STOX1: variants seen among roughly 807,000 people sequenced by gnomAD.
STOX1 encodes the protein storkhead-box protein 1.
STOX1 carries 57 observed loss-of-function variants against 74.8 expected under a neutral mutation model. That is an observed-to-expected ratio of 0.76 (90% CI 0.62 to 0.95). The LOEUF (loss-of-function observed/expected upper bound fraction) is 0.95. Ranked by LOEUF, STOX1 falls within the 40% of genes least tolerant of loss-of-function variation. The probability of loss-of-function intolerance (pLI) is 0.00; values close to 1 mark genes in which losing one functional copy is unlikely to be tolerated. For synonymous variants in STOX1, 375 were observed against 401.3 expected (o/e 0.93, Z 0.78); for missense variants, 1,010 against 1,117.0 (o/e 0.90, Z 1.37).
Position 68,827,582 on chromosome 10 carries a change from G to A in STOX1, c.-42G>A, listed in dbSNP as rs1170123305. On this transcript the variant is annotated 5_prime_UTR_variant, in exon 1 of 4. Transcript: ENST00000298596. ...GAGCGGCGTCGTAGCCGCCGCGCTC[G>A]CCGAGGCCCTGCGTTGCGGGCTCCC... 1 of 1,114,182 alleles carries A rather than the reference G, an allele frequency of 9.0e-7. No homozygotes were observed. Among genetic ancestry groups the A allele is most frequent in the African/African-American group, 1.7e-5 (1 of 60,192 alleles). 69.0% of individuals were successfully genotyped at this position (1,114,182 alleles called of 1,614,324 possible).
intron 1 of STOX1, among the ~76,000 whole-genome samples, chr10:68,843,616 C>T (rs1250461865): frequency 6.6e-6 from 1 of 152,038 alleles, no homozygotes; most frequent in African/African-American, 2.4e-5. Context: ...CCTCGGCTCA[C>T]TGCAACCTCT....
At chr10:68,876,119 AATATAT>A (rs56325624) in intron 1 of STOX1, among the ~76,000 whole-genome samples, 47 of 135,728 alleles carry the variant, frequency 3.5e-4, no homozygotes, top group African/African-American at 1.2e-3. Flanking sequence ...TCTTTACCAG[AATATAT>A]ATATATATAT....
chr10:68,827,679 T>A lies in STOX1; in HGVS notation c.56T>A (p.Leu19Gln). The A allele has an allele frequency of 9.0e-7, 1 of 1,111,072 alleles. No homozygotes were observed. The allele number at this position is 1,111,072 out of a possible 1,614,324, so 68.8% of individuals were successfully genotyped here. The change falls in exon 1 of 4, where the codon CTG (leucine) becomes CAG (glutamine). Residue 19 changes from leucine to glutamine, a missense_variant. Transcript: ENST00000298596. ...TCGCTGGCGCTAGTGCTGTGCCGGC[T>A]GGAGGCGCAGAAGGCGGCGGGGGCC... is the stretch of plus-strand genomic sequence containing the variant. The part of the protein sequence containing the change: ...PGSLALVLCR[L>Q]EAQKAAGAAE...
Position 68,885,310 on chromosome 10 carries a change from G to A in STOX1, c.1514G>A (p.Ser505Asn). 6.2e-7 allele frequency: 1 copy of A among 1,614,188 alleles called. No individual in the cohort carries two copies. Among genetic ancestry groups the A allele is most frequent in the Non-Finnish European group, 8.5e-7 (1 of 1,180,032 alleles). ...NPFQGLSHRG[S>N]TISKGHKIQK... ...TTCCAGGGTTTGTCTCACCGAGGAAGCACAATATCCAAAGGGCACAAAATT... is the reference window on the plus strand; with the variant it reads ...TTCCAGGGTTTGTCTCACCGAGGAAACACAATATCCAAAGGGCACAAAATT... The change falls in exon 3 of 4, where the codon AGC (serine) becomes AAC (asparagine). Residue 505 changes from serine (S) to asparagine (N), a missense_variant. Ser to Asn is a conservative substitution (Grantham distance 46). Transcript: ENST00000298596.
At chr10:68,838,035 A>G (rs905018961) in intron 1 of STOX1, among the ~76,000 whole-genome samples, 2 of 150,392 alleles carry the variant, frequency 1.3e-5, no homozygotes, top group Non-Finnish European at 3.0e-5. Context: ...GATGTTGTCA[A>G]TGGGATTGTT....
downstream of STOX1, among the ~76,000 whole-genome samples, chr10:68,894,163 G>A (rs543042100): frequency 1.3e-5 from 2 of 151,848 alleles, no homozygotes; most frequent in Non-Finnish European, 2.9e-5. Context: ...AGGTTCAAGC[G>A]ATTCTCCTGC....
downstream of STOX1, among the ~76,000 whole-genome samples, chr10:68,893,706 C>T (rs1307166457): frequency 2.6e-5 from 4 of 152,138 alleles, no homozygotes; most frequent in South Asian, 2.1e-4. Flanking sequence ...CATGAGCCAC[C>T]GCACCTGACC....
intron 3 of STOX1, among the ~76,000 whole-genome samples, chr10:68,891,920 A>G (rs1438713792): frequency 6.6e-6 from 1 of 152,022 alleles, no homozygotes; most frequent in Admixed American, 6.6e-5. Context: ...TCATAGGTTC[A>G]AGAGATTCTC....
At chr10:68,890,834 A>G (rs1457510801) in intron 3 of STOX1, among the ~76,000 whole-genome samples, 4 of 151,124 alleles carry the variant, frequency 2.6e-5, no homozygotes, top group Non-Finnish European at 4.4e-5. Context: ...TATTTTTAGT[A>G]GAGGTGAGGT....
intron 2 of STOX1, among the ~76,000 whole-genome samples, chr10:68,882,500 C>CTTT (rs202110171): frequency 7.1e-6 from 1 of 141,480 alleles, no homozygotes; most frequent in Non-Finnish European, 1.6e-5. Flanking sequence ...TAAATTGGAT[C>CTTT]TTTTTTTTTT....
chr10:68,863,549 TAA>T (rs1840320847), intron 1 of STOX1, among the ~76,000 whole-genome samples: 1 of 152,142 alleles, frequency 6.6e-6, no homozygotes, highest in Non-Finnish European at 1.5e-5. Flanking sequence ...TAACATGGGT[TAA>T]ATTGTGAAAG....
chr10:68,838,322 CT>C lies in STOX1; in HGVS notation c.310+10390del, dbSNP rs546025642. On this transcript the variant is annotated intron_variant, in intron 1 of 3. Coordinates refer to ENST00000298596, the MANE Select transcript of STOX1 (RefSeq NM_152709.5). The stretch of plus-strand genomic sequence containing the variant: ...GCTCGAGTGATTCTTCCGTCTCGGC[CT>C]CCCAAAGTGATGCGATTACAGGCGT... 1.7e-3 allele frequency among the ~76,000 whole-genome samples: 254 copies of C among 152,254 alleles called. 3 individuals are homozygous for C. The highest frequency in any genetic ancestry group is 0.016 in the Admixed American group (247 of 15,274).
At chr10:68,867,514 GT>G (rs1295016092) in intron 1 of STOX1, among the ~76,000 whole-genome samples, 1 of 152,152 alleles carries the variant, frequency 6.6e-6, no homozygotes, top group East Asian at 1.9e-4. Flanking sequence ...TTTGCCCAGT[GT>G]CCTCTGGAAA....
rs1281412191 is a variant in STOX1, at chr10:68,884,487, G to A, written c.691G>A (p.Ala231Thr). Residue 231 changes from alanine to threonine, a missense_variant, in exon 3 of 4, where the codon GCC becomes ACC. Transcript: ENST00000298596. ...LVSMESCAES[A>T]QENAAPISHC... ...GAGCATGGAGAGCTGTGCAGAGTCA[G>A]CCCAAGAGAATGCTGCCCCCATATC... 1 of 1,613,710 alleles carries A rather than the reference G, an allele frequency of 6.2e-7. No individual in the cohort carries two copies. The highest frequency in any genetic ancestry group is 1.3e-5 in the African/African-American group (1 of 74,920).
chr10:68,888,097 G>A (rs893922522), intron 3 of STOX1, among the ~76,000 whole-genome samples: 6 of 151,154 alleles, frequency 4.0e-5, no homozygotes, highest in Non-Finnish European at 8.8e-5. Context: ...ACACACACGC[G>A]CACACACACA....
intron 1 of STOX1, among the ~76,000 whole-genome samples, chr10:68,836,856 A>C (rs923651324): frequency 7.2e-5 from 11 of 152,216 alleles, no homozygotes; most frequent in Non-Finnish European, 1.6e-4. Flanking sequence ...ACAGAAGCTC[A>C]CATCAAAGTT....
rs966597527 is a variant in STOX1, at chr10:68,828,450, C to A, written c.310+517C>A. On this transcript the variant is annotated intron_variant, in intron 1 of 3. Transcript: ENST00000298596. ...CAAGACGCCCCGGAGACGTTCCCTC[C>A]CGCTAGGACACTGCAGCTATAGTCC... 5.9e-5 allele frequency among the ~76,000 whole-genome samples: 9 copies of A among 152,292 alleles called. No homozygotes were observed. The South Asian group carries it at 1.7e-3, about 28-fold the overall frequency.
chr10:68,873,418 GC>G (rs1840586779), intron 1 of STOX1, among the ~76,000 whole-genome samples: 1 of 151,460 alleles, frequency 6.6e-6, no homozygotes, highest in South Asian at 2.1e-4. Context: ...CCGCCACCAC[GC>G]CCAGCTAATT....
At chr10:68,855,289 T>A (rs1009003131) in intron 1 of STOX1, among the ~76,000 whole-genome samples, 3 of 151,520 alleles carry the variant, frequency 2.0e-5, no homozygotes, top group Non-Finnish European at 2.9e-5. Flanking sequence ...CCCAGCTAAT[T>A]TTTGTATTTT....
Sources: gnomAD v4.1 joint callset for allele counts (sites outside exome capture counted in the v4.1 genomes callset) on GRCh38, gnomAD v4.1.1 for gene constraint, MANE v1.5 for transcripts, NCBI Gene and HGNC (gene_info 2026-07-23, HGNC 2026-07-21) for gene names.